The following ITCH variants were observed in gnomAD, a reference collection of about 807,000 sequenced individuals.
The protein encoded by ITCH is itchy E3 ubiquitin protein ligase, also known as E3 ubiquitin-protein ligase Itchy homolog.
Under a neutral mutation model 126.8 loss-of-function variants are expected in ITCH, and 28 were observed. The ratio of observed to expected loss-of-function variants is 0.22; its 90% CI spans 0.16 to 0.30. ITCH has a LOEUF of 0.30. ITCH is among the 10% of genes least tolerant of loss of function. The pLI is 1.00. For missense variants in ITCH, 631 were observed against 1,032.4 expected, an observed-to-expected ratio of 0.61 and a Z score of 5.33; for synonymous variants, 342 against 340.0, an observed-to-expected ratio of 1.01 and a Z score of -0.06.
chr20:34,461,913 C>T (rs1367271810), intron 13 of ITCH, among the ~76,000 whole-genome samples, 180 bp from the exon 14 acceptor site: 1 of 152,120 alleles, frequency 6.6e-6, no homozygotes, highest in Non-Finnish European at 1.5e-5. Flanking sequence ...GTTTGATGGA[C>T]TTTGAGTTTA....
At chr20:34,470,270 A>G (rs1987490279) in intron 15 of ITCH, 150 bp downstream of exon 15, 1 of 752,400 alleles carries the variant, frequency 1.3e-6, no homozygotes, top group Admixed American at 1.9e-5. Context: ...GCAAATAAAT[A>G]GATTTATCAA....
Position 34,413,815 on chromosome 20 carries a change from T to C in ITCH, c.411T>C (p.Ile137=). ...CAGAGACAATAGGAGACTTGTCAAT[T>C]TGTCTTGATGGGCTACAGTTAGAGT... ...EPTETIGDLS[I]CLDGLQLESE... is the part of the protein sequence containing the mutation. Residue 137 remains isoleucine (I), a synonymous_variant, in exon 6 of 25, where the codon ATT becomes ATC. Transcript: ENST00000374864. 1 of 1,613,878 alleles carries C rather than the reference T, an allele frequency of 6.2e-7. No individual in the cohort carries two copies. Among genetic ancestry groups the C allele is most frequent in the Non-Finnish European group, 8.5e-7 (1 of 1,179,814 alleles).
In ITCH at chr20:34,413,325, G is replaced by A. The variant is rs555465512; in HGVS notation, c.338-417G>A. Among the ~76,000 whole-genome samples, 154 of 151,624 alleles carry A rather than the reference G, an allele frequency of 1.0e-3. 3 individuals carry two copies. In the South Asian group the frequency reaches 0.03, roughly 29 times the overall value. ...TAAAACACATTTTTTTCTACCCCTC[G>A]ACTATCTAAAACATACTTCTAAAAA... On this transcript the variant is annotated intron_variant, in intron 5 of 24. Transcript: ENST00000374864.
intron 7 of ITCH, among the ~76,000 whole-genome samples, chr20:34,432,170 G>C (rs1407498812): frequency 6.6e-6 from 1 of 151,974 alleles, no homozygotes; most frequent in Admixed American, 6.6e-5. Flanking sequence ...GAAAAATCAG[G>C]TTAACGCCTT....
chr20:34,441,037 G>A (rs549158339), intron 9 of ITCH, among the ~76,000 whole-genome samples: 97 of 152,120 alleles, frequency 6.4e-4, no homozygotes, highest in Non-Finnish European at 1.2e-3. Context: ...TTGGGAGGCC[G>A]AGGCGGGCTG....
At chr20:34,452,652 A>G (rs1985403851) in intron 12 of ITCH, among the ~76,000 whole-genome samples, 1 of 152,148 alleles carries the variant, frequency 6.6e-6, no homozygotes, top group Non-Finnish European at 1.5e-5. Flanking sequence ...AGACATTCCT[A>G]CCTCATAGGC....
Position 34,477,814 on chromosome 20 carries a change from G to C in ITCH, c.1612G>C (p.Val538Leu). ...CCAAGATCTGCGAAGACGTTTGTGG[G>C]TGATTTTTCCAGGAGAAGAAGGTTT... is the stretch of plus-strand genomic sequence containing the variant. ...SPQDLRRRLWVIFPGEEGLDY... is the reference protein window; with the variant it reads ...SPQDLRRRLWLIFPGEEGLDY... Residue 538 changes from valine to leucine, a missense_variant, in exon 17 of 25, where the codon GTG becomes CTG. By Grantham distance (32) the Val-to-Leu change is conservative. Around this residue, in one of 4 missense-constraint regions of ITCH, gnomAD observed 390 missense variants for 731.6 expected, o/e 0.53. Coordinates refer to ENST00000374864, the MANE Select transcript of ITCH (RefSeq NM_031483.7). The C allele has an allele frequency of 6.2e-7, 1 of 1,613,716 alleles. No individual in the cohort carries two copies. Among genetic ancestry groups the C allele is most frequent in the Non-Finnish European group, 8.5e-7 (1 of 1,179,754 alleles).
At chr20:34,374,064 T>G (rs2037744436) in intron 2 of ITCH, among the ~76,000 whole-genome samples, 1 of 152,126 alleles carries the variant, frequency 6.6e-6, no homozygotes, top group Non-Finnish European at 1.5e-5. Flanking sequence ...TTTTGTATTT[T>G]AGTAGAGACG....
chr20:34,511,648 A>G lies in ITCH; in HGVS notation c.*3854A>G, dbSNP rs775720457. Among the ~76,000 whole-genome samples, 8 of 152,222 alleles carry G rather than the reference A, an allele frequency of 5.3e-5. No homozygotes were observed. Among genetic ancestry groups the G allele is most frequent in the African/African-American group, 9.6e-5 (4 of 41,456 alleles). On this transcript the variant is annotated 3_prime_UTR_variant, in exon 25 of 25. Transcript: ENST00000374864. ...AGGGAGTTTATTTCTGTAACCAGGTATGGGGAGAAAGCCTGGAAATGATCC... is the reference window on the plus strand; with the variant it reads ...AGGGAGTTTATTTCTGTAACCAGGTGTGGGGAGAAAGCCTGGAAATGATCC...
In ITCH at chr20:34,412,610, A is replaced by G. The variant is rs1158412425; in HGVS notation, c.308A>G (p.Tyr103Cys). The change falls in exon 5 of 25, where the codon TAT becomes TGT. Residue 103 changes from tyrosine to cysteine, a missense_variant. By Grantham distance (194) the Tyr-to-Cys change is radical. Coordinates refer to ENST00000374864, the MANE Select transcript of ITCH (RefSeq NM_031483.7). ...VLLGTAALDIYETLKSNNMKL... is the reference protein window; with the variant it reads ...VLLGTAALDICETLKSNNMKL... ...TTGGGAACTGCTGCATTAGATATTT[A>G]TGAAACATTAAAGTCAAACAATATG... is the stretch of plus-strand genomic sequence containing the variant. 1.9e-6 allele frequency: 3 copies of G among 1,605,964 alleles called. No homozygotes were observed. The highest frequency in any genetic ancestry group is 2.6e-6 in the Non-Finnish European group (3 of 1,172,750).
intron 2 of ITCH, among the ~76,000 whole-genome samples, chr20:34,383,529 G>A (rs2038148265): frequency 6.6e-6 from 1 of 151,720 alleles, no homozygotes; most frequent in African/African-American, 2.4e-5. Context: ...ACCACGCCCA[G>A]CTAATTTTGT....
At chr20:34,403,484 G>GC (rs1285190355) in intron 3 of ITCH, among the ~76,000 whole-genome samples, 1 of 152,114 alleles carries the variant, frequency 6.6e-6, no homozygotes, top group Non-Finnish European at 1.5e-5. Context: ...AGACTAGAAA[G>GC]CAGGGAAACT....
chr20:34,480,521 G>GA, intron 18 of ITCH, 78 bp from the exon 19 acceptor site: 1 of 1,531,360 alleles, frequency 6.5e-7, no homozygotes, highest in East Asian at 2.3e-5. Flanking sequence ...GTTTTTAAAT[G>GA]AAGAGTACAT....
At chr20:34,465,572 G>A (rs374268886) in intron 14 of ITCH, among the ~76,000 whole-genome samples, 1 of 151,960 alleles carries the variant, frequency 6.6e-6, no homozygotes, top group African/African-American at 2.4e-5. Flanking sequence ...ATATCTTTGT[G>A]TTTTCTTTGA....
At chr20:34,406,979 C>A (rs2039081934) in intron 3 of ITCH, among the ~76,000 whole-genome samples, 1 of 152,138 alleles carries the variant, frequency 6.6e-6, no homozygotes, top group Admixed American at 6.6e-5. Flanking sequence ...GTGGTGGGTA[C>A]TTCCTTGGTT....
At chr20:34,489,518 C>G in intron 21 of ITCH, 132 bp downstream of exon 21, 2 of 855,354 alleles carry the variant, frequency 2.3e-6, no homozygotes, top group East Asian at 4.9e-5. Flanking sequence ...TTTGAAACAT[C>G]CCCAATGGTT....
chr20:34,363,489 C>G (rs1254391976), intron 1 of ITCH, 140 bp downstream of exon 1: 1 of 152,932 alleles, frequency 6.5e-6, no homozygotes, highest in African/African-American at 2.4e-5. Flanking sequence ...TCTTCCAGAG[C>G]CGGTGTCTGT....
Position 34,470,045 on chromosome 20 carries a change from C to G in ITCH, c.1425-3C>G. 1.2e-6 allele frequency: 2 copies of G among 1,612,714 alleles called. No individual in the cohort carries two copies. The highest frequency in any genetic ancestry group is 1.7e-6 in the Non-Finnish European group (2 of 1,178,708). ...TGTCCTGTTAACCCTTGTTCTTCCT[C>G]AGAGACAATGGACCTCAGATAGCCT... On this transcript the variant is annotated splice_polypyrimidine_tract_variant and splice_region_variant and intron_variant, in intron 14 of 24. Transcript: ENST00000374864.
intron 3 of ITCH, among the ~76,000 whole-genome samples, chr20:34,403,686 T>C (rs1171603816): frequency 6.6e-6 from 1 of 152,060 alleles, no homozygotes; most frequent in South Asian, 2.1e-4. Context: ...TACGTAAATA[T>C]GGAAATACTC....
Sources: gnomAD v4.1 joint callset for allele counts (sites outside exome capture counted in the v4.1 genomes callset) on GRCh38, gnomAD v4.1.1 for gene constraint, gnomAD v4.1.1 regional missense constraint, MANE v1.5 for transcripts, NCBI Gene and HGNC (gene_info 2026-07-23, HGNC 2026-07-21) for gene names.